Variants in TTC39A observed in about 807,000 individuals in gnomAD.
TTC39A encodes tetratricopeptide repeat domain 39A.
Under a neutral mutation model 82.3 loss-of-function variants are expected in TTC39A, and 46 were observed. The observed-to-expected ratio is 0.56, with a 90% CI of 0.44 to 0.71. TTC39A has a LOEUF of 0.71. Among genes scored for constraint, TTC39A ranks in the 30% least tolerant of loss-of-function variants. TTC39A has a pLI of 0.00. For missense variants in TTC39A, 543 were observed against 712.9 expected, an observed-to-expected ratio of 0.76 and a Z score of 2.71; for synonymous variants, 254 against 275.2, an observed-to-expected ratio of 0.92 and a Z score of 0.76.
At chr1:51,338,090 T>C (rs538435751) in intron 1 of TTC39A, among the ~76,000 whole-genome samples, 1 of 152,300 alleles carries the variant, frequency 6.6e-6, no homozygotes, top group South Asian at 2.1e-4. Context: ...ACGAATTTAC[T>C]TGAATATGGA....
rs1317044808 is a variant in TTC39A at position 51,288,641 on chromosome 1, G to A, written c.1610+198C>T. Among the ~76,000 whole-genome samples, 6 of 152,134 alleles carry A rather than the reference G, an allele frequency of 3.9e-5. No homozygotes were observed. In the South Asian group the frequency reaches 6.2e-4, roughly 16 times the overall value. The stretch of plus-strand genomic sequence containing the variant: ...TTCCTGCCTCTGGGAGTCTAACTGC[G>A]CATTTATACATTAAGAAAGAAGTCT... On this transcript the variant is annotated intron_variant, in intron 17 of 17. Transcript: ENST00000680483. This position sits in a 1 kb window ranked among gnomAD's most constrained non-coding sequence, Gnocchi z 4.8.
At chr1:51,334,249 A>G (rs1470798201), upstream of TTC39A, among the ~76,000 whole-genome samples, 3 of 151,632 alleles carry the variant, frequency 2.0e-5, no homozygotes, top group Non-Finnish European at 4.4e-5. Flanking sequence ...CATGCCTGTA[A>G]TCCCAGCACT....
chr1:51,312,082 G>A (rs1256780320), intron 4 of TTC39A, 37 bp downstream of exon 4: 1 of 1,595,010 alleles, frequency 6.3e-7, no homozygotes, highest in Non-Finnish European at 8.5e-7. Context: ...GGCCACCTGG[G>A]CTTAGCATGG....
At chr1:51,301,927 C>T (rs1644674585) in intron 11 of TTC39A, 194 bp from the exon 12 acceptor site, 4 of 730,702 alleles carry the variant, frequency 5.5e-6, no homozygotes, top group Non-Finnish European at 8.9e-6. Flanking sequence ...CTAAGTCTTA[C>T]ATGACGTTGG....
rs117246819 is a variant in TTC39A, at chr1:51,317,477, G to A, written c.146+4244C>T. ...TAAAAAGAAAGAAAGGGCCTGGTGCGCTGGCTCACGCCTGTAATCCCAGCA... is the reference window on the plus strand; with the variant it reads ...TAAAAAGAAAGAAAGGGCCTGGTGCACTGGCTCACGCCTGTAATCCCAGCA... On this transcript the variant is annotated intron_variant, in intron 2 of 17. Transcript: ENST00000680483. 1.5e-3 allele frequency among the ~76,000 whole-genome samples: 227 copies of A among 152,234 alleles called. 3 individuals are homozygous for A. The East Asian group carries it at 0.037, about 25-fold the overall frequency.
chr1:51,323,316 G>A (rs1159880859), intron 1 of TTC39A, among the ~76,000 whole-genome samples: 2 of 151,960 alleles, frequency 1.3e-5, no homozygotes, highest in Admixed American at 6.6e-5. Flanking sequence ...GGTCTCATAT[G>A]TTGCCCAGGC....
In TTC39A at chr1:51,303,178, C is replaced by T. The variant is rs1346867750; in HGVS notation, c.669G>A (p.Leu223=). ...GFSGNKDYGL[L]QLEEGASGHS... is the part of the protein sequence containing the mutation. ...GCCCTGACGCTCCCTCCTCCAGCTG[C>T]AGCAGCCCATAGTCCTGAGGGGATG... The change falls in exon 9 of 18, where the codon CTG becomes CTA. Residue 223 remains leucine (L), a synonymous_variant. Transcript: ENST00000680483. The T allele has an allele frequency of 1.3e-6, 2 of 1,568,232 alleles. No individual in the cohort carries two copies. The highest frequency in any genetic ancestry group is 1.7e-6 in the Non-Finnish European group (2 of 1,156,640).
At chr1:51,322,254 C>T (rs776177853) in intron 1 of TTC39A, 1 of 1,484,062 alleles carries the variant, frequency 6.7e-7, no homozygotes, top group South Asian at 1.4e-5. Context: ...CCTCCCTCCC[C>T]CAGGCCTGGA....
intron 1 of TTC39A, chr1:51,322,270 G>A (rs749828713): frequency 1.4e-6 from 2 of 1,453,258 alleles, no homozygotes; most frequent in South Asian, 1.5e-5. Context: ...CTGGACTCTA[G>A]AATCCCTGAC....
rs912970766 is a variant in TTC39A, at chr1:51,321,223, A to G, written c.146+498T>C. Among the ~76,000 whole-genome samples the G allele has an allele frequency of 8.5e-5, 13 of 152,228 alleles. No individual in the cohort carries two copies. The highest frequency in any genetic ancestry group is 3.1e-4 in the African/African-American group (13 of 41,454). On this transcript the variant is annotated intron_variant, in intron 2 of 17. Transcript: ENST00000680483. This position sits in a 1 kb window ranked among gnomAD's most constrained non-coding sequence, Gnocchi z 4.6. ...AAAGGGTGAGTTTTACGGTATCTGA[A>G]TTACATCTCAATTTTTAAAACTGAG...
rs373901342 is a variant in TTC39A at position 51,294,409 on chromosome 1, C to T, written c.1248G>A (p.Ser416=). 17 of 1,613,880 alleles carry T rather than the reference C, an allele frequency of 1.1e-5. No homozygotes were observed. Among genetic ancestry groups the T allele is most frequent in the Admixed American group, 3.3e-5 (2 of 60,004 alleles). Residue 416 remains serine (S), a synonymous_variant, in exon 14 of 18, where the codon TCG becomes TCA. Coordinates refer to ENST00000680483, the MANE Select transcript of TTC39A (RefSeq NM_001297663.2). This position sits in a 1 kb window ranked among gnomAD's most constrained non-coding sequence, Gnocchi z 4.3. ...TACCCACCAGAGCAGGCACTGGCAG[C>T]GAGATAGGGTTGGAGGAGAAGTAGC... The part of the protein sequence containing the change: ...SRRYFSSNPI[S]LPVPALEMMY...
intron 6 of TTC39A, among the ~76,000 whole-genome samples, chr1:51,307,407 G>A (rs758095890): frequency 6.6e-6 from 1 of 152,150 alleles, no homozygotes; most frequent in South Asian, 2.1e-4. Flanking sequence ...CAATATCCCT[G>A]CAGGGAAGCA....
intron 14 of TTC39A, among the ~76,000 whole-genome samples, chr1:51,291,415 C>T (rs1427041506): frequency 6.6e-6 from 1 of 151,656 alleles, no homozygotes; most frequent in Non-Finnish European, 1.5e-5. Flanking sequence ...CACTTGAATC[C>T]AGGAAGCGGA....
At chr1:51,320,207 A>G (rs1645444784) in intron 2 of TTC39A, among the ~76,000 whole-genome samples, 1 of 152,148 alleles carries the variant, frequency 6.6e-6, no homozygotes, top group Non-Finnish European at 1.5e-5. Context: ...GAAAAACTCA[A>G]CGATAGGATG....
rs372510319 is a variant in TTC39A at position 51,322,156 on chromosome 1, G to A, written c.42-331C>T. On this transcript the variant is annotated intron_variant, in intron 1 of 17. Transcript: ENST00000680483. ...AAAGGGAGTCTTTGTGGCCCTTCTG[G>A]CCCATTGGGCTCTGCTGCCCCCCCA... is the stretch of plus-strand genomic sequence containing the variant. The A allele has an allele frequency of 5.2e-6, 8 of 1,549,680 alleles. No homozygotes were observed. In the East Asian group the frequency reaches 9.8e-5, roughly 19 times the overall value.
chr1:51,340,899 C>T (rs1462744012), intron 1 of TTC39A, among the ~76,000 whole-genome samples: 1 of 152,128 alleles, frequency 6.6e-6, no homozygotes, highest in Non-Finnish European at 1.5e-5. Flanking sequence ...AGGCCGGGTG[C>T]GGTAGCTCTT....
chr1:51,317,476 C>A (rs1196203782), intron 2 of TTC39A, among the ~76,000 whole-genome samples: 1 of 152,084 alleles, frequency 6.6e-6, no homozygotes, highest in African/African-American at 2.4e-5. Flanking sequence ...GGGCCTGGTG[C>A]GCTGGCTCAC....
In TTC39A at chr1:51,288,741, A is replaced by C. The variant is rs955361103; in HGVS notation, c.1610+98T>G. 3.0e-5 allele frequency: 35 copies of C among 1,150,758 alleles called. No homozygotes were observed. The African/African-American group carries it at 4.8e-4, about 16-fold the overall frequency. 71.3% of individuals were successfully genotyped at this position (1,150,758 alleles called of 1,614,324 possible). The stretch of plus-strand genomic sequence containing the variant: ...AGACTGCCAGACTGGCCTTGCTAGC[A>C]ACTCCACTCACTGCTCTCTGGGCAA... On this transcript the variant is annotated intron_variant, in intron 17 of 17. Transcript: ENST00000680483. The surrounding 1 kb of genome is among the most constrained non-coding windows in gnomAD (Gnocchi z 4.8).
At position 51,309,286 on chromosome 1, in the gene TTC39A, C is replaced by A. The variant is rs1644991288; in HGVS notation, c.463G>T (p.Val155Phe). The A allele has an allele frequency of 1.2e-6, 2 of 1,612,370 alleles. No homozygotes were observed. The highest frequency in any genetic ancestry group is 3.3e-5 in the Admixed American group (2 of 59,722). Residue 155 changes from valine (V) to phenylalanine (F), a missense_variant, in exon 6 of 18, where the codon GTT becomes TTT. Transcript: ENST00000680483. ...TTGTAGGTCTGGTAGCTGTTTCGAACTTTGATGCCGCCTTTGATGAAGCTC... is the reference window on the plus strand; with the variant it reads ...TTGTAGGTCTGGTAGCTGTTTCGAAATTTGATGCCGCCTTTGATGAAGCTC... ...MVSFIKGGIKVRNSYQTYKEL... is the reference protein window; with the variant it reads ...MVSFIKGGIKFRNSYQTYKEL...
Sources: gnomAD v4.1 joint callset for allele counts (sites outside exome capture counted in the v4.1 genomes callset) on GRCh38, gnomAD v4.1.1 for gene constraint, Gnocchi (gnomAD v3.1) non-coding constraint, MANE v1.5 for transcripts, NCBI Gene and HGNC (gene_info 2026-07-23, HGNC 2026-07-21) for gene names.